Variants in DOCK7 observed in about 807,000 individuals in gnomAD.
DOCK7 encodes the protein dedicator of cytokinesis 7.
Under a neutral mutation model 271.0 loss-of-function variants are expected in DOCK7, and 138 were observed. That is an observed-to-expected ratio of 0.51 (90% CI 0.44 to 0.59). DOCK7 has a LOEUF of 0.59. Among genes scored for constraint, DOCK7 ranks in the 20% least tolerant of loss-of-function variants. The probability of loss-of-function intolerance (pLI) is 0.00; values close to 1 mark genes in which losing one functional copy is unlikely to be tolerated. For synonymous variants in DOCK7, 823 were observed against 876.1 expected (o/e 0.94, Z 1.07); for missense variants, 2,066 against 2,592.4 (o/e 0.80, Z 4.41).
chr1:62,584,406 CT>C (rs1287961485), intron 15 of DOCK7: 1 of 989,430 alleles, frequency 1.0e-6, no homozygotes, highest in South Asian at 4.6e-5. Flanking sequence ...TTAAACAGCC[CT>C]TTTTTTAAAA....
chr1:62,619,199 G>A (rs1652828960), intron 13 of DOCK7, among the ~76,000 whole-genome samples: 6 of 152,136 alleles, frequency 3.9e-5, no homozygotes, highest in Admixed American at 3.9e-4. Flanking sequence ...AAGATTAAAA[G>A]ACTTAGTTTT....
At chr1:62,555,698 T>C (rs1411101050) in intron 21 of DOCK7, 127 bp downstream of exon 21, 2 of 993,938 alleles carry the variant, frequency 2.0e-6, no homozygotes, top group Non-Finnish European at 2.9e-6. Flanking sequence ...GAATGGTACT[T>C]AGCAGGTGTT....
chr1:62,647,923 T>C, intron 6 of DOCK7, 147 bp from the exon 7 acceptor site: 1 of 824,792 alleles, frequency 1.2e-6, no homozygotes, highest in Non-Finnish European at 1.9e-6. Flanking sequence ...CAGACAGAAG[T>C]CATTTGATTA....
chr1:62,542,073 T>C (rs1385209140), intron 25 of DOCK7, among the ~76,000 whole-genome samples: 3 of 152,084 alleles, frequency 2.0e-5, no homozygotes, highest in Admixed American at 2.0e-4. Flanking sequence ...ATATGGGCTC[T>C]TGCTATGTTG....
At position 62,578,717 on chromosome 1, in the gene DOCK7, C is replaced by CA. The variant is rs33969170; in HGVS notation, c.2010+110dup. 0.44 allele frequency: 137,851 copies of CA among 311,240 alleles called. 21,593 individuals carry two copies. The highest frequency in any genetic ancestry group is 0.61 in the African/African-American group (12,691 of 20,740). 19.3% of individuals were successfully genotyped at this position (311,240 alleles called of 1,614,324 possible). A position where few individuals can be genotyped will look rare whatever the true frequency, so the allele number is the denominator to read the frequency against. ...AGCCTGGGAGACAGAGACTCTGTCT[C>CA]AAAAAAAAAAAAAAAAAAAAAACCC... On this transcript the variant is annotated intron_variant, in intron 17 of 49. Coordinates refer to ENST00000635253, the MANE Select transcript of DOCK7 (RefSeq NM_001367561.1).
rs538565486 is a variant in DOCK7 at position 62,476,075 on chromosome 1, G to A, written c.5716C>T (p.Pro1906Ser). 2 of 1,611,784 alleles carry A rather than the reference G, an allele frequency of 1.2e-6. No homozygotes were observed. Among genetic ancestry groups the A allele is most frequent in the East Asian group, 2.2e-5 (1 of 44,836 alleles). ...AGTCGAATCAACTATACCTTGTTAG[G>A]ATCTAATTTACACTTGTCTACAGGA... ...SNPVDKCKLDPNKAYIQITYV... is the reference protein window; with the variant it reads ...SNPVDKCKLDSNKAYIQITYV... The change falls in exon 45 of 50, where the codon CCT becomes TCT. Residue 1906 changes from proline (P) to serine (S), a missense_variant. By Grantham distance (74) the Pro-to-Ser change is moderately conservative. This residue lies in a region of DOCK7 where 652 missense variants were observed against 922.1 expected (regional missense o/e 0.71). Coordinates refer to ENST00000635253, the MANE Select transcript of DOCK7 (RefSeq NM_001367561.1).
At chr1:62,478,522 T>TC (rs1646029228) in intron 43 of DOCK7, 1 of 152,348 alleles carries the variant, frequency 6.6e-6, no homozygotes, top group Admixed American at 6.5e-5. Context: ...CAAGTGATTC[T>TC]CCTGCCTCAG....
At chr1:62,455,686 TCTGA>T (rs760064219) in intron 49 of DOCK7, among the ~76,000 whole-genome samples, 1 of 152,224 alleles carries the variant, frequency 6.6e-6, no homozygotes, top group Non-Finnish European at 1.5e-5. Context: ...TATTCGTTTG[TCTGA>T]CTGATGCTGC....
intron 48 of DOCK7, among the ~76,000 whole-genome samples, chr1:62,466,633 C>T (rs1031618048): frequency 1.3e-5 from 2 of 152,072 alleles, no homozygotes; most frequent in African/African-American, 2.4e-5. Context: ...TACTTGCCCC[C>T]GTAAAAACAA....
chr1:62,501,895 T>G (rs1239714042), intron 37 of DOCK7, among the ~76,000 whole-genome samples: 1 of 152,140 alleles, frequency 6.6e-6, no homozygotes, highest in Non-Finnish European at 1.5e-5. Context: ...TTTAATATAA[T>G]CTTTTAGCTT....
chr1:62,473,953 A>C (rs1482071033), intron 48 of DOCK7, 29 bp downstream of exon 48: 21 of 1,579,066 alleles, frequency 1.3e-5, no homozygotes, highest in Non-Finnish European at 1.8e-5. Flanking sequence ...TCTCAATTTG[A>C]AGATCTTTAC....
chr1:62,654,223 CT>C, intron 2 of DOCK7, 64 bp from the exon 3 acceptor site: 1 of 1,440,950 alleles, frequency 6.9e-7, no homozygotes, highest in Non-Finnish European at 9.4e-7. Flanking sequence ...AATTTTAAAA[CT>C]TAAGGCAAAT....
At chr1:62,534,285 C>A (rs932081667) in intron 29 of DOCK7, among the ~76,000 whole-genome samples, 1 of 152,056 alleles carries the variant, frequency 6.6e-6, no homozygotes, top group African/African-American at 2.4e-5. Flanking sequence ...CAGGTGTGAG[C>A]CACTGCACCT....
intron 22 of DOCK7, among the ~76,000 whole-genome samples, chr1:62,548,423 CTT>C (rs34750610): frequency 9.3e-5 from 13 of 139,084 alleles, no homozygotes; most frequent in Non-Finnish European, 9.2e-5. Context: ...TGTCTTAAGT[CTT>C]TTTTTTTTTT....
chr1:62,577,989 T>C lies in DOCK7; in HGVS notation c.2011-626A>G, dbSNP rs189180116. On this transcript the variant is annotated intron_variant, in intron 17 of 49. Coordinates refer to ENST00000635253, the MANE Select transcript of DOCK7 (RefSeq NM_001367561.1). ...CCCAGGCCAGAGTGCAATGGCATGATCTTGGCTCACTGCAACCTCTGCCTC... is the reference window on the plus strand; with the variant it reads ...CCCAGGCCAGAGTGCAATGGCATGACCTTGGCTCACTGCAACCTCTGCCTC... 2.1e-3 allele frequency among the ~76,000 whole-genome samples: 316 copies of C among 152,164 alleles called. 2 individuals are homozygous for C. The highest frequency in any genetic ancestry group is 7.3e-3 in the African/African-American group (301 of 41,496).
At chr1:62,596,593 G>C (rs1201444216) in intron 14 of DOCK7, among the ~76,000 whole-genome samples, 1 of 151,900 alleles carries the variant, frequency 6.6e-6, no homozygotes, top group Non-Finnish European at 1.5e-5. Context: ...AGAATTGCTT[G>C]AGCCCAGTAT....
intron 11 of DOCK7, among the ~76,000 whole-genome samples, chr1:62,630,814 AG>A: frequency 6.6e-6 from 1 of 152,106 alleles, no homozygotes; most frequent in Non-Finnish European, 1.5e-5. Context: ...AATGAGAAAA[AG>A]GCAAAAAAAA....
intron 7 of DOCK7, among the ~76,000 whole-genome samples, chr1:62,643,296 T>C (rs1656260893): frequency 1.3e-5 from 2 of 152,228 alleles, no homozygotes; most frequent in African/African-American, 2.4e-5. Context: ...ATACTGAACA[T>C]TTGTTTTTTT....
At position 62,631,256 on chromosome 1, in the gene DOCK7, T is replaced by C; in HGVS notation, c.1266A>G (p.Val422=). ...AGSLERDSTE[V]EISTGERKGS... ...CACTCTTACCTCCAGTACTGATTTC[T>C]ACTTCTGTAGAATCTCTTTCCAAAC... Residue 422 remains valine (V), a synonymous_variant, in exon 11 of 50, where the codon GTA becomes GTG. Coordinates refer to ENST00000635253, the MANE Select transcript of DOCK7 (RefSeq NM_001367561.1). 6.2e-7 allele frequency: 1 copy of C among 1,605,320 alleles called. No homozygotes were observed. Among genetic ancestry groups the C allele is most frequent in the Non-Finnish European group, 8.5e-7 (1 of 1,177,408 alleles).
Sources: gnomAD v4.1 joint callset for allele counts (sites outside exome capture counted in the v4.1 genomes callset) on GRCh38, gnomAD v4.1.1 for gene constraint, gnomAD v4.1.1 regional missense constraint, MANE v1.5 for transcripts, NCBI Gene and HGNC (gene_info 2026-07-23, HGNC 2026-07-21) for gene names.